Variants in CACNA1D observed in about 807,000 individuals in gnomAD.
The protein encoded by CACNA1D is calcium voltage-gated channel subunit alpha1 D.
Under a neutral mutation model 257.1 loss-of-function variants are expected in CACNA1D, and 55 were observed. The ratio of observed to expected loss-of-function variants is 0.21; its 90% CI spans 0.17 to 0.27. The LOEUF is 0.27. Ranked by LOEUF, CACNA1D falls within the 10% of genes least tolerant of loss-of-function variation. The pLI is 1.00. For missense variants in CACNA1D, 1,876 were observed against 2,784.0 expected (o/e 0.67, Z 7.34); for synonymous variants, 980 against 1,014.9 (o/e 0.97, Z 0.65).
At chr3:53,699,841 G>A (rs7648561) in intron 8 of CACNA1D, among the ~76,000 whole-genome samples, 32,034 of 151,868 alleles carry the variant, frequency 0.21, 3,718 homozygotes, top group East Asian at 0.41. Flanking sequence ...TTACTCCTAG[G>A]AATTTTAGTC....
chr3:53,657,868 A>G (rs2094163862), intron 4 of CACNA1D, among the ~76,000 whole-genome samples: 1 of 152,232 alleles, frequency 6.6e-6, no homozygotes, highest in African/African-American at 2.4e-5. Flanking sequence ...TAAAATGTTA[A>G]CTGTTAATGT....
At chr3:53,808,594 G>C in intron 45 of CACNA1D, 55 bp from the exon 46 acceptor site, 1 of 1,599,966 alleles carries the variant, frequency 6.3e-7, no homozygotes, top group Admixed American at 1.7e-5. Context: ...TCTGAAAGAC[G>C]GTGTCCCGGC....
chr3:53,573,532 C>A (rs1051815894), intron 3 of CACNA1D, among the ~76,000 whole-genome samples: 7 of 152,240 alleles, frequency 4.6e-5, no homozygotes, highest in African/African-American at 1.2e-4. Flanking sequence ...TAAAACTGCA[C>A]CTGCCCCTGA....
chr3:53,771,142 T>A (rs1362787045), intron 32 of CACNA1D, among the ~76,000 whole-genome samples: 1 of 152,166 alleles, frequency 6.6e-6, no homozygotes, highest in Non-Finnish European at 1.5e-5. Flanking sequence ...GCTTTTCCCG[T>A]ACCTGCCAGT....
chr3:53,626,402 G>A (rs1362094519), intron 3 of CACNA1D, among the ~76,000 whole-genome samples: 1 of 152,232 alleles, frequency 6.6e-6, no homozygotes, highest in Non-Finnish European at 1.5e-5. Context: ...GAGGGGACCT[G>A]TGGGATAGGG....
At chr3:53,625,442 C>G (rs943976903) in intron 3 of CACNA1D, among the ~76,000 whole-genome samples, 48 of 152,174 alleles carry the variant, frequency 3.2e-4, no homozygotes, top group African/African-American at 1.1e-3. Context: ...CCAGCACTTC[C>G]CTCACTGTGT....
At chr3:53,730,897 A>G (rs1559587087) in intron 16 of CACNA1D, 180 bp from the exon 17 acceptor site, 2 of 616,872 alleles carry the variant, frequency 3.2e-6, no homozygotes, top group Non-Finnish European at 5.7e-6. Flanking sequence ...TAATGAATCC[A>G]TCGCATTGAG....
At chr3:53,498,051 T>A (rs2090426084) in intron 2 of CACNA1D, among the ~76,000 whole-genome samples, 2 of 152,226 alleles carry the variant, frequency 1.3e-5, no homozygotes, top group African/African-American at 4.8e-5. Context: ...ACTTTTGATT[T>A]TTTTTCTCTG....
intron 30 of CACNA1D, among the ~76,000 whole-genome samples, chr3:53,763,119 G>A (rs141506914): frequency 1.3e-3 from 198 of 152,338 alleles, no homozygotes; most frequent in Non-Finnish European, 1.8e-3. Flanking sequence ...CACCTGTACC[G>A]TGTCTGCTCT....
chr3:53,670,840 G>T (rs545250107), intron 7 of CACNA1D, among the ~76,000 whole-genome samples: 1 of 152,142 alleles, frequency 6.6e-6, no homozygotes, highest in African/African-American at 2.4e-5. Flanking sequence ...CTATTTTCAC[G>T]TGGGTATTTT....
intron 3 of CACNA1D, among the ~76,000 whole-genome samples, chr3:53,538,143 T>G (rs1339530096): frequency 1.2e-5 from 1 of 84,060 alleles, no homozygotes; most frequent in South Asian, 3.6e-4. Flanking sequence ...TTTTTGAAGT[T>G]TTTTTTTTTT....
At chr3:53,748,003 G>C (rs2095187966) in intron 26 of CACNA1D, among the ~76,000 whole-genome samples, 1 of 152,168 alleles carries the variant, frequency 6.6e-6, no homozygotes, top group Non-Finnish European at 1.5e-5. Flanking sequence ...GTTAGGCACT[G>C]TGGAGGAAAC....
At chr3:53,703,907 C>T (rs572273385) in intron 9 of CACNA1D, among the ~76,000 whole-genome samples, 5 of 152,200 alleles carry the variant, frequency 3.3e-5, no homozygotes, top group East Asian at 1.9e-4. Flanking sequence ...GCACCGCCGA[C>T]GAGGGATCGA....
At chr3:53,763,561 G>A (rs916964234) in intron 30 of CACNA1D, among the ~76,000 whole-genome samples, 4 of 152,200 alleles carry the variant, frequency 2.6e-5, no homozygotes, top group Non-Finnish European at 5.9e-5. Flanking sequence ...GGCGGAGCAC[G>A]GGGAGGGACT....
At chr3:53,695,801 A>C (rs1038631144) in intron 8 of CACNA1D, among the ~76,000 whole-genome samples, 19 of 151,950 alleles carry the variant, frequency 1.3e-4, no homozygotes, top group Admixed American at 2.6e-4. Context: ...TTTTCTTCTT[A>C]TTTTCATTTT....
intron 45 of CACNA1D, chr3:53,807,426 C>T (rs1356362511): frequency 6.6e-6 from 1 of 152,286 alleles, no homozygotes; most frequent in African/African-American, 2.4e-5. Flanking sequence ...AGTGCCTAGC[C>T]AAGGACTCAG....
intron 3 of CACNA1D, among the ~76,000 whole-genome samples, chr3:53,524,617 T>G (rs1451574979): frequency 6.6e-6 from 1 of 152,226 alleles, no homozygotes; most frequent in Non-Finnish European, 1.5e-5. Context: ...CAGGGGTACA[T>G]GTGTACCTGG....
chr3:53,657,444 A>C (rs953995134), intron 4 of CACNA1D, among the ~76,000 whole-genome samples: 1 of 152,158 alleles, frequency 6.6e-6, no homozygotes, highest in African/African-American at 2.4e-5. Context: ...AAAATGTTGA[A>C]ACCTTCCCTA....
Position 53,800,822 on chromosome 3 carries a change from G to C in CACNA1D, c.5041-236G>C, listed in dbSNP as rs1052324375. Reference sequence around the variant, plus strand: ...GGAGCAACTGGAAGAGCACACTCGAGTGACAGCCGACAGCTTGCTCCCCAG... The same window carrying C: ...GGAGCAACTGGAAGAGCACACTCGACTGACAGCCGACAGCTTGCTCCCCAG... On this transcript the variant is annotated intron_variant, in intron 41 of 47. Transcript: ENST00000350061. The surrounding 1 kb of genome is among the most constrained non-coding windows in gnomAD (Gnocchi z 4.3). The C allele has an allele frequency of 1.5e-5, 9 of 599,542 alleles. No homozygotes were observed. The highest frequency in any genetic ancestry group is 1.3e-4 in the South Asian group (7 of 52,252). The allele number at this position is 599,542 out of a possible 1,614,324, so 37.1% of individuals were successfully genotyped here.
Sources: allele counts gnomAD v4.1 joint callset (sites outside exome capture counted in the v4.1 genomes callset), GRCh38; gene constraint gnomAD v4.1.1; non-coding constraint Gnocchi (gnomAD v3.1); transcripts MANE v1.5; gene names NCBI Gene and HGNC (gene_info 2026-07-23, HGNC 2026-07-21).